COLEC10: variants seen among roughly 807,000 people sequenced by gnomAD.
The protein encoded by COLEC10 is collectin subfamily member 10, also known as collectin-10.
In COLEC10, 22 loss-of-function variants were observed where a neutral mutation model predicts 28.4. The ratio of observed to expected loss-of-function variants is 0.78; its 90% CI spans 0.55 to 1.11. The LOEUF is 1.11. Among genes scored for constraint, COLEC10 ranks in the 50% least tolerant of loss-of-function variants. The probability of loss-of-function intolerance (pLI) is 0.00; values close to 1 mark genes in which losing one functional copy is unlikely to be tolerated. For missense variants in COLEC10, 361 were observed against 344.1 expected (o/e 1.05, Z -0.39); for synonymous variants, 125 against 116.1 (o/e 1.08, Z -0.49).
chr8:119,076,674 A>C (rs1368381641), intron 1 of COLEC10, among the ~76,000 whole-genome samples: 2 of 152,244 alleles, frequency 1.3e-5, no homozygotes, highest in Non-Finnish European at 2.9e-5. Flanking sequence ...TGTGCAAGAC[A>C]TTGTAGCATT....
At chr8:118,963,078 G>T in the COLEC10 span, among the ~76,000 whole-genome samples, 1 of 152,148 alleles carries the variant, frequency 6.6e-6, no homozygotes, top group Non-Finnish European at 1.5e-5. Context: ...TGCAGAGGGG[G>T]AAGGGAGCCG....
At chr8:119,018,218 T>C (rs2130100295) in intron 2 of COLEC10, among the ~76,000 whole-genome samples, 1 of 152,342 alleles carries the variant, frequency 6.6e-6, no homozygotes, top group African/African-American at 2.4e-5. Context: ...GAAGAAATTA[T>C]TCTTTCGCCC....
the COLEC10 span, among the ~76,000 whole-genome samples, chr8:118,953,288 C>T: frequency 2.0e-5 from 3 of 152,214 alleles, no homozygotes; most frequent in Non-Finnish European, 4.4e-5. Context: ...AATTGTATGA[C>T]TCCAAATCAC....
the COLEC10 span, among the ~76,000 whole-genome samples, chr8:118,962,844 A>G: frequency 6.6e-6 from 1 of 152,212 alleles, no homozygotes; most frequent in African/African-American, 2.4e-5. Context: ...TAGATATCTC[A>G]TAAGAGTGGA....
Position 119,106,316 on chromosome 8 carries a change from A to G in COLEC10, c.*125A>G. 2.2e-6 allele frequency: 2 copies of G among 927,886 alleles called. No homozygotes were observed. Among genetic ancestry groups the G allele is most frequent in the Non-Finnish European group, 3.2e-6 (2 of 618,876 alleles). The allele number at this position is 927,886 out of a possible 1,614,324, so 57.5% of individuals were successfully genotyped here. ...AACATAGCTAGAAAATGCTAAACTG[A>G]GGTATGGAGCCTCCATCATCATGCT... On this transcript the variant is annotated 3_prime_UTR_variant, in exon 6 of 6. Coordinates refer to ENST00000332843, the MANE Select transcript of COLEC10 (RefSeq NM_006438.5).
the COLEC10 span, among the ~76,000 whole-genome samples, chr8:118,953,318 A>T: frequency 2.0e-5 from 3 of 152,242 alleles, no homozygotes; most frequent in African/African-American, 7.2e-5. Context: ...TTTGAATCGT[A>T]GTTTTGACAT....
intron 2 of COLEC10, among the ~76,000 whole-genome samples, chr8:119,041,388 C>G (rs1814491824): frequency 6.6e-6 from 1 of 152,064 alleles, no homozygotes. Context: ...GATTTAGTAG[C>G]AAAATGATAT....
intron 1 of COLEC10, among the ~76,000 whole-genome samples, chr8:119,087,770 G>A (rs890684878): frequency 1.3e-5 from 2 of 151,992 alleles, no homozygotes; most frequent in Non-Finnish European, 2.9e-5. Flanking sequence ...AAGGGACAAC[G>A]GTATACCATG....
chr8:119,067,174 A>G, upstream of COLEC10: 2 of 1,148,990 alleles, frequency 1.7e-6, no homozygotes, highest in Admixed American at 2.2e-5. Context: ...CCTTTTTGGA[A>G]TGTGTGTTCC....
At chr8:118,955,830 G>T in the COLEC10 span, among the ~76,000 whole-genome samples, 1 of 152,200 alleles carries the variant, frequency 6.6e-6, no homozygotes, top group Non-Finnish European at 1.5e-5. Flanking sequence ...GACCAGGAGG[G>T]ACTGAAGAGG....
At chr8:119,102,231 CCTCCCT>C in intron 3 of COLEC10, 111 bp from the exon 4 acceptor site, 3 of 306,648 alleles carry the variant, frequency 9.8e-6, no homozygotes, top group South Asian at 3.2e-5. Context: ...TCCCTCCCTC[CCTCCCT>C]CCCTCCTTCC....
chr8:118,988,815 A>G, the COLEC10 span, among the ~76,000 whole-genome samples: 2 of 152,226 alleles, frequency 1.3e-5, no homozygotes, highest in Non-Finnish European at 2.9e-5. Flanking sequence ...TCTGACACCT[A>G]TAGCTACAAC....
intron 4 of COLEC10, 113 bp from the exon 5 acceptor site, chr8:119,103,687 A>G (rs1464018698): frequency 1.5e-6 from 1 of 658,162 alleles, no homozygotes; most frequent in Non-Finnish European, 2.7e-6. Context: ...CCATTCACAG[A>G]TATATAGAAC....
chr8:118,983,837 G>C, the COLEC10 span, among the ~76,000 whole-genome samples: 1 of 152,100 alleles, frequency 6.6e-6, no homozygotes. Flanking sequence ...AAAAATAACA[G>C]ATGCTGGTGA....
chr8:119,063,432 T>C (rs1424934459), upstream of COLEC10, among the ~76,000 whole-genome samples: 2 of 152,210 alleles, frequency 1.3e-5, no homozygotes, highest in Non-Finnish European at 2.9e-5. Context: ...TCCTTGCCTT[T>C]GACAGTTTAT....
chr8:119,076,852 G>C (rs1469773697), intron 1 of COLEC10, among the ~76,000 whole-genome samples: 1 of 152,206 alleles, frequency 6.6e-6, no homozygotes, highest in East Asian at 1.9e-4. Context: ...AAAGAAAGAG[G>C]CCCATATGTC....
At chr8:119,054,941 C>T (rs1016065494) in intron 2 of COLEC10, among the ~76,000 whole-genome samples, 3 of 151,836 alleles carry the variant, frequency 2.0e-5, no homozygotes, top group African/African-American at 4.8e-5. Context: ...TAGATCTTCT[C>T]GAAAGTAATT....
chr8:119,002,856 A>G (rs533162867), intron 1 of COLEC10, among the ~76,000 whole-genome samples: 5 of 152,290 alleles, frequency 3.3e-5, no homozygotes, highest in Non-Finnish European at 5.9e-5. Context: ...CTGGGAGCAT[A>G]ATTTCAAATC....
At chr8:119,087,519 C>T (rs1330503325) in intron 1 of COLEC10, among the ~76,000 whole-genome samples, 1 of 152,120 alleles carries the variant, frequency 6.6e-6, no homozygotes, top group Non-Finnish European at 1.5e-5. Flanking sequence ...TCCCAAAGTC[C>T]CTCAGTGAAT....
Sources: allele counts gnomAD v4.1 joint callset (sites outside exome capture counted in the v4.1 genomes callset), GRCh38; gene constraint gnomAD v4.1.1; transcripts MANE v1.5; gene names NCBI Gene and HGNC (gene_info 2026-07-23, HGNC 2026-07-21).